The following GALNT10 variants were observed in gnomAD, a reference collection of about 807,000 sequenced individuals.
GALNT10 encodes polypeptide N-acetylgalactosaminyltransferase 10, also known as GalNAc transferase 10.
In GALNT10, 41 loss-of-function variants were observed where a neutral mutation model predicts 75.0. The observed-to-expected ratio is 0.55, with a 90% CI of 0.43 to 0.71. GALNT10 has a LOEUF of 0.71. Among genes scored for constraint, GALNT10 ranks in the 30% least tolerant of loss-of-function variants. The pLI, the probability that GALNT10 is intolerant of heterozygous loss-of-function variation, is 0.00. For missense variants in GALNT10, 727 were observed against 818.5 expected, an observed-to-expected ratio of 0.89 and a Z score of 1.36; for synonymous variants, 302 against 313.0, an observed-to-expected ratio of 0.96 and a Z score of 0.37.
chr5:154,241,236 T>A (rs1753331504), intron 1 of GALNT10, among the ~76,000 whole-genome samples: 1 of 152,178 alleles, frequency 6.6e-6, no homozygotes, highest in South Asian at 2.1e-4. Flanking sequence ...GGGTTTGGTG[T>A]TTGGCAGTTC....
intron 7 of GALNT10, among the ~76,000 whole-genome samples, chr5:154,394,318 TAAAAAAAAAA>T (rs5872377): frequency 2.4e-5 from 3 of 124,904 alleles, no homozygotes; most frequent in Non-Finnish European, 4.9e-5. Flanking sequence ...TGAACAGACT[TAAAAAAAAAA>T]AAAAAAAAAC....
At chr5:154,236,702 GTATT>G (rs1262897108) in intron 1 of GALNT10, among the ~76,000 whole-genome samples, 17 of 152,206 alleles carry the variant, frequency 1.1e-4, no homozygotes, top group African/African-American at 3.9e-4. Flanking sequence ...TCACTTTTGA[GTATT>G]TATGATCTTG....
At chr5:154,259,142 T>C (rs1753660779) in intron 1 of GALNT10, among the ~76,000 whole-genome samples, 2 of 152,180 alleles carry the variant, frequency 1.3e-5, no homozygotes, top group Non-Finnish European at 2.9e-5. Flanking sequence ...TAAAACACAT[T>C]CAACCCATTA....
intron 3 of GALNT10, among the ~76,000 whole-genome samples, chr5:154,313,612 A>T (rs185929524): frequency 5.4e-4 from 83 of 152,312 alleles, no homozygotes; most frequent in Non-Finnish European, 1.1e-3. Context: ...GCATCCCCTG[A>T]ATGGCAAAGG....
intron 1 of GALNT10, among the ~76,000 whole-genome samples, chr5:154,222,235 G>GTTTTT (rs34297252): frequency 1.4e-5 from 2 of 143,498 alleles, no homozygotes; most frequent in East Asian, 4.0e-4. Context: ...CTTTTTGCCT[G>GTTTTT]TTTTTTTTTT....
rs182574837 is a variant in GALNT10, at chr5:154,209,933, G to C, written c.159+18908G>C. Among the ~76,000 whole-genome samples the C allele has an allele frequency of 3.3e-5, 5 of 152,164 alleles. No homozygotes were observed. In the East Asian group the frequency reaches 9.7e-4, roughly 29 times the overall value. Reference sequence around the variant, plus strand: ...TTTCTGCCACAAAAATGTATTCACAGTAAGAGAATAAATCAAGACTATAAA... The same window carrying C: ...TTTCTGCCACAAAAATGTATTCACACTAAGAGAATAAATCAAGACTATAAA... On this transcript the variant is annotated intron_variant, in intron 1 of 11. Transcript: ENST00000297107.
Position 154,265,473 on chromosome 5 carries a change from G to A in GALNT10, c.160-29343G>A, listed in dbSNP as rs141973386. On this transcript the variant is annotated intron_variant, in intron 1 of 11. Transcript: ENST00000297107. ...CTTTAAACCAACTACTGCTTTTACAGTGTACAGACTGAGTTTTCAATGTGC... is the reference window on the plus strand; with the variant it reads ...CTTTAAACCAACTACTGCTTTTACAATGTACAGACTGAGTTTTCAATGTGC... 7.9e-5 allele frequency among the ~76,000 whole-genome samples: 12 copies of A among 152,320 alleles called. No individual in the cohort carries two copies. In the East Asian group the frequency reaches 1.9e-3, roughly 24 times the overall value.
intron 6 of GALNT10, 37 bp from the exon 7 acceptor site, chr5:154,386,276 A>T (rs1014495491): frequency 1.1e-5 from 16 of 1,462,152 alleles, no homozygotes; most frequent in Middle Eastern, 1.9e-4. Context: ...TGGCCAGGAC[A>T]TCTGCACCTT....
At chr5:154,196,499 G>T (rs1242074060) in intron 1 of GALNT10, among the ~76,000 whole-genome samples, 1 of 152,184 alleles carries the variant, frequency 6.6e-6, no homozygotes, top group African/African-American at 2.4e-5. Flanking sequence ...TTGTGGCATT[G>T]TCAGGGCTCG....
chr5:154,251,980 T>G (rs1268652450), intron 1 of GALNT10, among the ~76,000 whole-genome samples: 2 of 152,036 alleles, frequency 1.3e-5, no homozygotes, highest in Non-Finnish European at 2.9e-5. Context: ...CTGTTGAATT[T>G]TTTCTCTATT....
intron 1 of GALNT10, among the ~76,000 whole-genome samples, chr5:154,245,722 A>G (rs542824958): frequency 4.2e-4 from 64 of 152,110 alleles, no homozygotes; most frequent in South Asian, 2.3e-3. Flanking sequence ...CATTTGAAAT[A>G]TTATGGACGT....
chr5:154,338,985 C>T (rs1173480178), intron 4 of GALNT10, among the ~76,000 whole-genome samples: 1 of 152,180 alleles, frequency 6.6e-6, no homozygotes, highest in African/African-American at 2.4e-5. Flanking sequence ...GCCAGCCGTG[C>T]AGGCACAATG....
intron 7 of GALNT10, chr5:154,388,902 AG>A (rs1248783479): frequency 2.7e-5 from 4 of 147,952 alleles, no homozygotes; most frequent in Non-Finnish European, 3.0e-5. Flanking sequence ...AAAAAAAAAA[AG>A]AAGGAAAGAA....
intron 4 of GALNT10, among the ~76,000 whole-genome samples, chr5:154,367,799 A>C (rs1337069120): frequency 6.6e-6 from 1 of 151,466 alleles, no homozygotes; most frequent in Non-Finnish European, 1.5e-5. Context: ...CGGAGGTTGC[A>C]GTGAGCCGAG....
At position 154,332,872 on chromosome 5, in the gene GALNT10, A is replaced by G. The variant is rs542157280; in HGVS notation, c.568+3134A>G. On this transcript the variant is annotated intron_variant, in intron 4 of 11. Coordinates refer to ENST00000297107, the MANE Select transcript of GALNT10 (RefSeq NM_198321.4). ...GCTGCCCTGGGGTTGGGCTTGTAGCACTCAGCAGGATCCCCCTCTGGGTAT... is the reference window on the plus strand; with the variant it reads ...GCTGCCCTGGGGTTGGGCTTGTAGCGCTCAGCAGGATCCCCCTCTGGGTAT... 3.2e-4 allele frequency among the ~76,000 whole-genome samples: 48 copies of G among 152,222 alleles called. 1 individual carries two copies. In the South Asian group the frequency reaches 7.9e-3, roughly 25 times the overall value.
rs534642723 is a variant in GALNT10, at chr5:154,278,087, A to G, written c.160-16729A>G. Among the ~76,000 whole-genome samples, 38 of 152,352 alleles carry G rather than the reference A, an allele frequency of 2.5e-4. 1 individual carries two copies. The Middle Eastern group carries it at 0.02, about 82-fold the overall frequency. On this transcript the variant is annotated intron_variant, in intron 1 of 11. Transcript: ENST00000297107. ...TGGGTGACGGATGCTTCAGAAATTG[A>G]CTGAAACCTTCCTTTGGAAAATGTT...
chr5:154,313,472 C>T (rs893611333), intron 3 of GALNT10, among the ~76,000 whole-genome samples: 1 of 152,056 alleles, frequency 6.6e-6, no homozygotes, highest in African/African-American at 2.4e-5. Flanking sequence ...AGGGGGTGCA[C>T]AACTAGTGGC....
intron 5 of GALNT10, among the ~76,000 whole-genome samples, chr5:154,379,804 A>C (rs1265188733): frequency 6.6e-6 from 1 of 152,214 alleles, no homozygotes. Flanking sequence ...GGCTCTGCTT[A>C]CATACCTCCA....
At chr5:154,254,140 T>C (rs915418095) in intron 1 of GALNT10, among the ~76,000 whole-genome samples, 38 of 152,318 alleles carry the variant, frequency 2.5e-4, no homozygotes, top group Admixed American at 2.5e-3. Context: ...ACACAGGTGC[T>C]GGTAACATGG....
Sources: gnomAD v4.1 joint callset for allele counts (sites outside exome capture counted in the v4.1 genomes callset) on GRCh38, gnomAD v4.1.1 for gene constraint, MANE v1.5 for transcripts, NCBI Gene and HGNC (gene_info 2026-07-23, HGNC 2026-07-21) for gene names.